The following PDE4D variants were observed in gnomAD, a reference collection of about 807,000 sequenced individuals.
PDE4D encodes the protein phosphodiesterase 4D, also known as 3',5'-cyclic-AMP phosphodiesterase 4D.
In PDE4D, 24 loss-of-function variants were observed where a neutral mutation model predicts 87.4. The observed-to-expected ratio is 0.27, with a 90% CI of 0.20 to 0.39. The LOEUF (loss-of-function observed/expected upper bound fraction) is 0.39. Ranked by LOEUF, PDE4D falls within the 10% of genes least tolerant of loss-of-function variation. The probability of loss-of-function intolerance (pLI) is 1.00; values close to 1 mark genes in which losing one functional copy is unlikely to be tolerated. For synonymous variants in PDE4D, 384 were observed against 383.2 expected, an observed-to-expected ratio of 1.00 and a Z score of -0.02; for missense variants, 714 against 1,041.0, an observed-to-expected ratio of 0.69 and a Z score of 4.32.
chr5:58,998,319 A>G (rs1749687385), intron 6 of PDE4D, among the ~76,000 whole-genome samples: 1 of 152,120 alleles, frequency 6.6e-6, no homozygotes. Flanking sequence ...TCACAGTACA[A>G]ATGTGAAGCC....
At chr5:60,371,983 A>C (rs190409307) in intron 1 of PDE4D, among the ~76,000 whole-genome samples, 1 of 152,288 alleles carries the variant, frequency 6.6e-6, no homozygotes, top group Admixed American at 6.5e-5. Context: ...CTGGACTATA[A>C]AAACGGAATT....
chr5:60,239,079 T>C (rs935050305), intron 1 of PDE4D, among the ~76,000 whole-genome samples: 14 of 152,110 alleles, frequency 9.2e-5, no homozygotes, highest in African/African-American at 3.1e-4. Context: ...ATACATTTTC[T>C]TCTAAAAAAC....
chr5:59,996,808 G>A (rs1010762376), intron 2 of PDE4D, among the ~76,000 whole-genome samples: 3 of 152,054 alleles, frequency 2.0e-5, no homozygotes, highest in Non-Finnish European at 4.4e-5. Context: ...AGATACTCTT[G>A]CAAAACTAAT....
In PDE4D at chr5:59,788,354, C is replaced by A. The variant is rs368718083; in HGVS notation, c.455+104814G>T. ...GGGCACATAGAGCTGAGCCCAATAACAAAACCTTGGCTGTCTGAAGGAAGG... is the reference window on the plus strand; with the variant it reads ...GGGCACATAGAGCTGAGCCCAATAAAAAAACCTTGGCTGTCTGAAGGAAGG... On this transcript the variant is annotated intron_variant, in intron 1 of 14. Transcript: ENST00000340635. 1.2e-3 allele frequency among the ~76,000 whole-genome samples: 184 copies of A among 152,324 alleles called. 1 individual carries two copies. Among genetic ancestry groups the A allele is most frequent in the African/African-American group, 4.3e-3 (177 of 41,568 alleles).
At chr5:60,210,638 C>T (rs1342429883) in intron 1 of PDE4D, among the ~76,000 whole-genome samples, 1 of 152,026 alleles carries the variant, frequency 6.6e-6, no homozygotes, top group Non-Finnish European at 1.5e-5. Context: ...TTTTTTTAAC[C>T]TGGAAGCTCT....
At chr5:59,094,430 G>A (rs1769327114) in intron 5 of PDE4D, among the ~76,000 whole-genome samples, 1 of 151,920 alleles carries the variant, frequency 6.6e-6, no homozygotes, top group South Asian at 2.1e-4. Flanking sequence ...CTAAGATAAT[G>A]AGAATTCAAG....
chr5:59,871,271 C>A (rs1004111273), intron 1 of PDE4D, among the ~76,000 whole-genome samples: 2 of 152,054 alleles, frequency 1.3e-5, no homozygotes, highest in Non-Finnish European at 2.9e-5. Flanking sequence ...TCCTGCTGAC[C>A]TTGAAGAAAC....
intron 1 of PDE4D, among the ~76,000 whole-genome samples, chr5:60,318,891 G>A (rs1047721944): frequency 1.3e-5 from 2 of 152,144 alleles, no homozygotes; most frequent in Non-Finnish European, 2.9e-5. Context: ...TGGGTAACCC[G>A]ACCTTCCTCT....
At chr5:60,442,983 A>G (rs959365742) in intron 1 of PDE4D, among the ~76,000 whole-genome samples, 2 of 152,084 alleles carry the variant, frequency 1.3e-5, no homozygotes, top group Non-Finnish European at 2.9e-5. Context: ...CCCTGCAGAC[A>G]TGGTGCAACT....
chr5:59,580,395 T>C (rs1823891053), intron 1 of PDE4D, among the ~76,000 whole-genome samples: 1 of 152,230 alleles, frequency 6.6e-6, no homozygotes, highest in African/African-American at 2.4e-5. Context: ...CTCAACAGTG[T>C]TGATCTCTTC....
chr5:60,112,184 T>C (rs1777750793), intron 2 of PDE4D, among the ~76,000 whole-genome samples: 1 of 152,250 alleles, frequency 6.6e-6, no homozygotes, highest in East Asian at 1.9e-4. Flanking sequence ...ATTATATTTC[T>C]GTATATTTCA....
At chr5:60,279,603 C>G (rs1417179273) in intron 1 of PDE4D, among the ~76,000 whole-genome samples, 1 of 151,490 alleles carries the variant, frequency 6.6e-6, no homozygotes, top group Non-Finnish European at 1.5e-5. Flanking sequence ...CTCTCTGGTC[C>G]TTTAATTATA....
At chr5:60,377,930 A>C (rs1292374511) in intron 1 of PDE4D, among the ~76,000 whole-genome samples, 1 of 152,270 alleles carries the variant, frequency 6.6e-6, no homozygotes, top group Non-Finnish European at 1.5e-5. Context: ...TTCTACACAT[A>C]GTATTTAAAT....
Position 60,432,083 on chromosome 5 carries a change from C to T in PDE4D, c.-90+55859G>A, listed in dbSNP as rs1049615050. ...CGTGGAAAGAGAGGGAGACGGAGAC[C>T]GTGGGGAGAAGGAGAGGGAGAGGGA... On this transcript the variant is annotated intron_variant, in intron 1 of 16. Transcript: ENST00000502484. Among the ~76,000 whole-genome samples the T allele has an allele frequency of 3.7e-5, 5 of 134,424 alleles. No homozygotes were observed. The South Asian group carries it at 8.0e-4, about 22-fold the overall frequency. 88.2% of individuals were successfully genotyped at this position (134,424 alleles called of 152,430 possible).
At chr5:60,362,964 T>A (rs1156856900) in intron 1 of PDE4D, among the ~76,000 whole-genome samples, 1 of 152,200 alleles carries the variant, frequency 6.6e-6, no homozygotes. Flanking sequence ...AACAATTATA[T>A]GAGTAACCAC....
chr5:60,310,717 T>C (rs1194044345), intron 1 of PDE4D, among the ~76,000 whole-genome samples: 1 of 152,252 alleles, frequency 6.6e-6, no homozygotes, highest in Non-Finnish European at 1.5e-5. Flanking sequence ...ACCTTCGCTC[T>C]TGCTCTACTT....
chr5:59,901,789 T>C (rs575073995), intron 3 of PDE4D, among the ~76,000 whole-genome samples: 15 of 152,240 alleles, frequency 9.9e-5, no homozygotes, highest in African/African-American at 3.6e-4. Context: ...TTTGAAAAGA[T>C]GTAGATCAAT....
intron 3 of PDE4D, among the ~76,000 whole-genome samples, chr5:59,959,560 G>A (rs76504093): frequency 0.063 from 9,566 of 152,038 alleles, 1,018 homozygotes; most frequent in African/African-American, 0.22. Flanking sequence ...AAAGCTGCAC[G>A]CCTACAGCCA....
intron 1 of PDE4D, among the ~76,000 whole-genome samples, chr5:60,497,496 A>G (rs746660884): frequency 6.6e-6 from 1 of 151,696 alleles, no homozygotes; most frequent in African/African-American, 2.4e-5. Flanking sequence ...TCAACCTCCC[A>G]GTTGCAAGTG....
Sources: gnomAD v4.1 joint callset for allele counts (sites outside exome capture counted in the v4.1 genomes callset) on GRCh38, gnomAD v4.1.1 for gene constraint, MANE v1.5 for transcripts, NCBI Gene and HGNC (gene_info 2026-07-23, HGNC 2026-07-21) for gene names.